ZFTA: variants seen among roughly 807,000 people sequenced by gnomAD.
The protein encoded by ZFTA is zinc finger translocation associated.
Under a neutral mutation model 41.8 loss-of-function variants are expected in ZFTA, and 35 were observed. That is an observed-to-expected ratio of 0.84 (90% CI 0.64 to 1.11). The LOEUF is 1.11. Among genes scored for constraint, ZFTA ranks in the 50% most tolerant of loss-of-function variants. The pLI is 0.00. For synonymous variants in ZFTA, 514 were observed against 436.4 expected (o/e 1.18, Z -2.22); for missense variants, 964 against 989.8 (o/e 0.97, Z 0.35).
chr11:63,761,797 A>G lies in ZFTA; in HGVS notation c.*1621T>C, dbSNP rs2014642657. 6.6e-6 allele frequency: 1 copy of G among 152,278 alleles called. No individual in the cohort carries two copies. The highest frequency in any genetic ancestry group is 6.5e-5 in the Admixed American group (1 of 15,296). 9.4% of individuals were successfully genotyped at this position (152,278 alleles called of 1,614,324 possible). On this transcript the variant is annotated 3_prime_UTR_variant, in exon 5 of 5. Transcript: ENST00000433688. ...CTCCCAAACAGGAAGCGTCAAGGGG[A>G]CTGGGCCTGAGGCACTTGAACCTTA... is the stretch of plus-strand genomic sequence containing the variant.
At chr11:63,767,826 A>G (rs1001252335) in intron 1 of ZFTA, among the ~76,000 whole-genome samples, 3 of 152,126 alleles carry the variant, frequency 2.0e-5, no homozygotes, top group Non-Finnish European at 4.4e-5. Flanking sequence ...AAAATTCTGA[A>G]AAGAAGGGAA....
chr11:63,766,454 G>GC, intron 1 of ZFTA, 150 bp from the exon 2 acceptor site: 11 of 1,113,618 alleles, frequency 9.9e-6, no homozygotes, highest in Non-Finnish European at 1.2e-5. Context: ...AGGGATGGTA[G>GC]AAGTGGGAGC....
Position 63,760,676 on chromosome 11 carries a change from T to C in ZFTA, c.*2742A>G, listed in dbSNP as rs2014609521. 6.6e-6 allele frequency: 1 copy of C among 152,200 alleles called. No homozygotes were observed. Among genetic ancestry groups the C allele is most frequent in the Non-Finnish European group, 1.5e-5 (1 of 68,044 alleles). The allele number at this position is 152,200 out of a possible 1,614,324, so 9.4% of individuals were successfully genotyped here. A position where few individuals can be genotyped will look rare whatever the true frequency, so the allele number is the denominator to read the frequency against. On this transcript the variant is annotated 3_prime_UTR_variant, in exon 5 of 5. Transcript: ENST00000433688. The stretch of plus-strand genomic sequence containing the variant: ...AACGTCTAACCTGTGAGGCCATAAC[T>C]TCCATCAAAGCAGGAATCAATGGAA...
intron 1 of ZFTA, chr11:63,767,316 A>T (rs2014761729): frequency 6.6e-6 from 1 of 152,252 alleles, no homozygotes; most frequent in South Asian, 2.1e-4. Flanking sequence ...ACAGGATCAG[A>T]AAGGGCTCCT....
rs998093978 is a variant in ZFTA, at chr11:63,762,506, G to C, written c.*912C>G. 6.6e-6 allele frequency: 1 copy of C among 152,134 alleles called. No homozygotes were observed. The highest frequency in any genetic ancestry group is 1.5e-5 in the Non-Finnish European group (1 of 68,024). 9.4% of individuals were successfully genotyped at this position (152,134 alleles called of 1,614,324 possible). On this transcript the variant is annotated 3_prime_UTR_variant, in exon 5 of 5. Coordinates refer to ENST00000433688, the MANE Select transcript of ZFTA (RefSeq NM_001144936.2). ...GCCCCAGGCCCTGCGGGTTGAGAACGGACGCCGCATCCACCGCGGACAAAG... is the reference window on the plus strand; with the variant it reads ...GCCCCAGGCCCTGCGGGTTGAGAACCGACGCCGCATCCACCGCGGACAAAG...
At position 63,764,036 on chromosome 11, in the gene ZFTA, A is replaced by G; in HGVS notation, c.1585+2T>C. 7.6e-7 allele frequency: 1 copy of G among 1,308,848 alleles called. No individual in the cohort carries two copies. The highest frequency in any genetic ancestry group is 9.8e-7 in the Non-Finnish European group (1 of 1,024,154). 81.1% of individuals were successfully genotyped at this position (1,308,848 alleles called of 1,614,324 possible). A position where few individuals can be genotyped will look rare whatever the true frequency, so the allele number is the denominator to read the frequency against. On this transcript the variant is annotated splice_donor_variant, in intron 4 of 4. Coordinates refer to ENST00000433688, the MANE Select transcript of ZFTA (RefSeq NM_001144936.2). LOFTEE classifies it high-confidence loss of function. ...TCCGCCTGCTCTGGCCCCACCGCTC[A>G]CCCCACTCCTCCTCCTCCTCCTCTG...
Position 63,765,376 on chromosome 11 carries a change from C to T in ZFTA, c.638-122G>A. Reference sequence around the variant, plus strand: ...CAGGCCTAACCTTTGCCCTTCTCTTCCTCTCTCCTGAAATCCTAACTCCCT... The same window carrying T: ...CAGGCCTAACCTTTGCCCTTCTCTTTCTCTCTCCTGAAATCCTAACTCCCT... On this transcript the variant is annotated intron_variant, in intron 2 of 4. Transcript: ENST00000433688. The surrounding 1 kb of genome is among the most constrained non-coding windows in gnomAD (Gnocchi z 4.0). 8.7e-7 allele frequency: 1 copy of T among 1,143,240 alleles called. No homozygotes were observed. The highest frequency in any genetic ancestry group is 1.2e-6 in the Non-Finnish European group (1 of 854,300). The allele number at this position is 1,143,240 out of a possible 1,614,324, so 70.8% of individuals were successfully genotyped here. A position where few individuals can be genotyped will look rare whatever the true frequency, so the allele number is the denominator to read the frequency against.
At position 63,763,478 on chromosome 11, in the gene ZFTA, G is replaced by T; in HGVS notation, c.1977C>A (p.Pro659=). The T allele has an allele frequency of 3.3e-6, 5 of 1,512,172 alleles. No individual in the cohort carries two copies. Among genetic ancestry groups the T allele is most frequent in the Non-Finnish European group, 4.4e-6 (5 of 1,127,498 alleles). The allele number at this position is 1,512,172 out of a possible 1,614,324, so 93.7% of individuals were successfully genotyped here. The change falls in exon 5 of 5, where the codon CCC becomes CCA. Residue 659 remains proline, a synonymous_variant. Transcript: ENST00000433688. ...CGCCGCCGTCACGCGGCGCCGGGGC[G>T]GGCGGCCCGAAGCCCTCGTGGCCGT... ...RCYGHEGFGP[P]APAPRDGGAD...
Position 63,765,102 on chromosome 11 carries a change from G to T in ZFTA, c.790C>A (p.Leu264Met). ...RRLERRLKES[L>M]QNWFRAECLM... ...CACTCGGCCCGGAACCAGTTCTGCA[G>T]GGACTCCTTCAGCCTCCTCTCCAGG... Residue 264 changes from leucine to methionine, a missense_variant, in exon 3 of 5, where the codon CTG becomes ATG. By Grantham distance (15) the Leu-to-Met change is conservative (BLOSUM62 2). Coordinates refer to ENST00000433688, the MANE Select transcript of ZFTA (RefSeq NM_001144936.2). This position sits in a 1 kb window ranked among gnomAD's most constrained non-coding sequence, Gnocchi z 4.0. 23 of 1,548,634 alleles carry T rather than the reference G, an allele frequency of 1.5e-5. No homozygotes were observed. The highest frequency in any genetic ancestry group is 2.0e-5 in the Non-Finnish European group (23 of 1,146,402).
In ZFTA at chr11:63,763,748, C is replaced by T. The variant is rs1565058080; in HGVS notation, c.1707G>A (p.Pro569=). Residue 569 remains proline, a synonymous_variant, in exon 5 of 5, where the codon CCG becomes CCA. Coordinates refer to ENST00000433688, the MANE Select transcript of ZFTA (RefSeq NM_001144936.2). ...ALPPPPPPPP[P]PPPRSREQRR... is the part of the protein sequence containing the mutation. Reference sequence around the variant, plus strand: ...GCTGCTCCCGGCTGCGGGGCGGGGGCGGAGGCGGGGGAGGAGGCGGCGGCG... The same window carrying T: ...GCTGCTCCCGGCTGCGGGGCGGGGGTGGAGGCGGGGGAGGAGGCGGCGGCG... 13 of 1,484,262 alleles carry T rather than the reference C, an allele frequency of 8.8e-6. No individual in the cohort carries two copies. Among genetic ancestry groups the T allele is most frequent in the Middle Eastern group, 1.8e-4 (1 of 5,446 alleles). The allele number at this position is 1,484,262 out of a possible 1,614,324, so 91.9% of individuals were successfully genotyped here. A position where few individuals can be genotyped will look rare whatever the true frequency, so the allele number is the denominator to read the frequency against.
Position 63,764,876 on chromosome 11 carries a change from G to T in ZFTA, c.1016C>A (p.Ser339Tyr). The change falls in exon 3 of 5, where the codon TCC becomes TAC. Residue 339 changes from serine (S) to tyrosine (Y), a missense_variant. This residue lies in a region of ZFTA where 584 missense variants were observed against 523.1 expected (regional missense o/e 1.12). Transcript: ENST00000433688. ...QPEALSELTQ[S>Y]PPGDDLAPQD... is the part of the protein sequence containing the mutation. ...TGGGATGGGCCTCGCACCTGGTGGG[G>T]ACTGGGTGAGCTCAGACAGCGCCTC... 1 of 1,502,608 alleles carries T rather than the reference G, an allele frequency of 6.7e-7. No individual in the cohort carries two copies. The highest frequency in any genetic ancestry group is 8.9e-7 in the Non-Finnish European group (1 of 1,127,896). The allele number at this position is 1,502,608 out of a possible 1,614,324, so 93.1% of individuals were successfully genotyped here.
rs1180876159 is a variant in ZFTA, at chr11:63,760,650, C to G, written c.*2768G>C. ...TAGGCAAGAGGGCCAACTCAACTTGCAACGTCTAACCTGTGAGGCCATAAC... is the reference window on the plus strand; with the variant it reads ...TAGGCAAGAGGGCCAACTCAACTTGGAACGTCTAACCTGTGAGGCCATAAC... On this transcript the variant is annotated 3_prime_UTR_variant, in exon 5 of 5. Transcript: ENST00000433688. 6.6e-6 allele frequency: 1 copy of G among 152,188 alleles called. No homozygotes were observed. Among genetic ancestry groups the G allele is most frequent in the African/African-American group, 2.4e-5 (1 of 41,456 alleles). 9.4% of individuals were successfully genotyped at this position (152,188 alleles called of 1,614,324 possible).
intron 1 of ZFTA, 83 bp from the exon 2 acceptor site, chr11:63,766,387 A>C (rs187213461): frequency 1.4e-6 from 2 of 1,391,870 alleles, no homozygotes; most frequent in East Asian, 2.8e-5. Flanking sequence ...AGCCCTGAGA[A>C]AGGGAGCTGG....
rs1002981998 is a variant in ZFTA, at chr11:63,768,653, GGCGGGGC to G, written c.-38_-32del. The G allele has an allele frequency of 1.5e-4, 149 of 968,388 alleles. No individual in the cohort carries two copies. In the East Asian group the frequency reaches 1.7e-3, roughly 11 times the overall value. 60.0% of individuals were successfully genotyped at this position (968,388 alleles called of 1,614,324 possible). On this transcript the variant is annotated 5_prime_UTR_variant, in exon 1 of 5. Coordinates refer to ENST00000433688, the MANE Select transcript of ZFTA (RefSeq NM_001144936.2). ...GCGCTGCGGAGCGGGGCCCCGGGGC[GGCGGGGC>G]GCGGGGCCGCGGGGCCGGCGGCAGC...
At position 63,765,971 on chromosome 11, in the gene ZFTA, C is replaced by T. The variant is rs1366088751; in HGVS notation, c.473G>A (p.Arg158Gln). ...KHPYSLHWSP[R>Q]EKEVISNSWD... The stretch of plus-strand genomic sequence containing the variant: ...GCTGTTGCTGATGACTTCCTTCTCC[C>T]GGGGACTCCAATGCAAGGAGTAGGG... The change falls in exon 2 of 5, where the codon CGG becomes CAG. Residue 158 changes from arginine (R) to glutamine (Q), a missense_variant. By Grantham distance (43) the Arg-to-Gln change is conservative (BLOSUM62 1). This residue lies in a region of ZFTA where 141 missense variants were observed against 216.7 expected (regional missense o/e 0.65). Transcript: ENST00000433688. This position sits in a 1 kb window ranked among gnomAD's most constrained non-coding sequence, Gnocchi z 4.0. 37 of 1,551,546 alleles carry T rather than the reference C, an allele frequency of 2.4e-5. No homozygotes were observed. The Admixed American group carries it at 5.9e-4, about 25-fold the overall frequency.
In ZFTA at chr11:63,763,287, A is replaced by C; in HGVS notation, c.*131T>G. ...TCCCCCGTCTCCGCCCGGCCCGGCC[A>C]GCGGGGGGCGCGGCCGCGGGAAGCG... is the stretch of plus-strand genomic sequence containing the variant. On this transcript the variant is annotated 3_prime_UTR_variant, in exon 5 of 5. Transcript: ENST00000433688. 1 of 597,404 alleles carries C rather than the reference A, an allele frequency of 1.7e-6. No homozygotes were observed. Among genetic ancestry groups the C allele is most frequent in the Non-Finnish European group, 2.2e-6 (1 of 451,928 alleles). 37.0% of individuals were successfully genotyped at this position (597,404 alleles called of 1,614,324 possible). A position where few individuals can be genotyped will look rare whatever the true frequency, so the allele number is the denominator to read the frequency against.
In ZFTA at chr11:63,768,509, G is replaced by A; in HGVS notation, c.114C>T (p.Ser38=). ...CGCCTTCGTCTTCCTCTGGCTCCGC[G>A]CTGCCGCTCGATCCGGCGGGCGGCA... ...RRLPPAGSSG[S]AEPEEDEGGQ... is the part of the protein sequence containing the mutation. The change falls in exon 1 of 5, where the codon AGC becomes AGT. Residue 38 remains serine (S), a synonymous_variant. Coordinates refer to ENST00000433688, the MANE Select transcript of ZFTA (RefSeq NM_001144936.2). 1 of 1,205,178 alleles carries A rather than the reference G, an allele frequency of 8.3e-7. No individual in the cohort carries two copies. The highest frequency in any genetic ancestry group is 1.0e-6 in the Non-Finnish European group (1 of 957,320). 74.7% of individuals were successfully genotyped at this position (1,205,178 alleles called of 1,614,324 possible).
Position 63,764,094 on chromosome 11 carries a change from G to A in ZFTA, c.1529C>T (p.Ser510Phe). ...GPIPPGTAAA[S>F]DEGGGDEEEE... ...CTCCTCGTCCCCTCCCCCCTCGTCGGAGGCTGCGGCAGTGCCGGGGGGGAT... is the reference window on the plus strand; with the variant it reads ...CTCCTCGTCCCCTCCCCCCTCGTCGAAGGCTGCGGCAGTGCCGGGGGGGAT... Residue 510 changes from serine to phenylalanine, a missense_variant, in exon 4 of 5, where the codon TCC (serine) becomes TTC (phenylalanine). Ser to Phe is a radical substitution (Grantham distance 155). Transcript: ENST00000433688. The A allele has an allele frequency of 7.4e-7, 1 of 1,344,838 alleles. No individual in the cohort carries two copies. Among genetic ancestry groups the A allele is most frequent in the East Asian group, 3.1e-5 (1 of 32,488 alleles). 83.3% of individuals were successfully genotyped at this position (1,344,838 alleles called of 1,614,324 possible).
Position 63,765,886 on chromosome 11 carries a change from C to T in ZFTA, c.558G>A (p.Gly186=). ...CTTCCTCCTCCTCCTCCTCCTCAGCCCCCTGGACCCCCAGGCCCTCGGCCT... is the reference window on the plus strand; with the variant it reads ...CTTCCTCCTCCTCCTCCTCCTCAGCTCCCTGGACCCCCAGGCCCTCGGCCT... ...CGEAEGLGVQ[G]AEEEEEEEEE... The change falls in exon 2 of 5, where the codon GGG becomes GGA. Residue 186 remains glycine (G), a synonymous_variant. Transcript: ENST00000433688. This position sits in a 1 kb window ranked among gnomAD's most constrained non-coding sequence, Gnocchi z 4.0. The T allele has an allele frequency of 6.5e-7, 1 of 1,542,832 alleles. No individual in the cohort carries two copies. Among genetic ancestry groups the T allele is most frequent in the Non-Finnish European group, 8.7e-7 (1 of 1,143,116 alleles).
Sources: gnomAD v4.1 joint callset for allele counts (sites outside exome capture counted in the v4.1 genomes callset) on GRCh38, gnomAD v4.1.1 for gene constraint, gnomAD v4.1.1 regional missense constraint, Gnocchi (gnomAD v3.1) non-coding constraint, MANE v1.5 for transcripts, NCBI Gene and HGNC (gene_info 2026-07-23, HGNC 2026-07-21) for gene names.